Variants in GNPAT observed in about 807,000 individuals in gnomAD.
GNPAT encodes the protein dihydroxyacetone phosphate acyltransferase.
Under a neutral mutation model 78.4 loss-of-function variants are expected in GNPAT, and 30 were observed. The observed-to-expected ratio is 0.38, with a 90% CI of 0.29 to 0.52. The LOEUF is 0.52. GNPAT is among the 20% of genes least tolerant of loss of function. The pLI is 0.84. For synonymous variants in GNPAT, 271 were observed against 281.1 expected (o/e 0.96, Z 0.36); for missense variants, 714 against 812.2 (o/e 0.88, Z 1.47).
chr1:231,246,058 T>C (rs1040553175), intron 1 of GNPAT, among the ~76,000 whole-genome samples: 1 of 152,214 alleles, frequency 6.6e-6, no homozygotes, highest in Non-Finnish European at 1.5e-5. Flanking sequence ...CTTAACATTT[T>C]CTCATTATTG....
intron 2 of GNPAT, chr1:231,258,208 A>G (rs1426025442): frequency 6.6e-6 from 1 of 152,116 alleles, no homozygotes; most frequent in Non-Finnish European, 1.5e-5. Flanking sequence ...CTCCTTTGCA[A>G]TCTTTCCTTC....
At chr1:231,241,643 G>T (rs143223242) in intron 1 of GNPAT, among the ~76,000 whole-genome samples, 187 bp downstream of exon 1, 2 of 152,352 alleles carry the variant, frequency 1.3e-5, no homozygotes, top group Non-Finnish European at 2.9e-5. Context: ...GTGTGTGCAT[G>T]CTTTTGGAAG....
At position 231,258,622 on chromosome 1, in the gene GNPAT, ATTTTTTTTTTT is replaced by A. The variant is rs748666053; in HGVS notation, c.262-1868_262-1858del. ...TTTATGTTATGTGTATTTTAATGCA[ATTTTTTTTTTT>A]TTTTTTTTTTTTTTTTGAGACAGAG... On this transcript the variant is annotated intron_variant, in intron 2 of 15. Coordinates refer to ENST00000366647, the MANE Select transcript of GNPAT (RefSeq NM_014236.4). Among the ~76,000 whole-genome samples the A allele has an allele frequency of 1.2e-3, 91 of 73,792 alleles. 2 individuals carry two copies. Among genetic ancestry groups the A allele is most frequent in the South Asian group, 4.1e-3 (7 of 1,714 alleles). 48.4% of individuals were successfully genotyped at this position (73,792 alleles called of 152,430 possible).
Position 231,265,801 on chromosome 1 carries a change from G to T in GNPAT, c.772+14G>T, listed in dbSNP as rs1482178025. On this transcript the variant is annotated intron_variant, in intron 6 of 15. Transcript: ENST00000366647. ...CTCCTAAATTTGGTAGGTCACTACA[G>T]ATTAAAAGGAAAAATACAAACCCAA... 1 of 1,505,288 alleles carries T rather than the reference G, an allele frequency of 6.6e-7. No individual in the cohort carries two copies. The highest frequency in any genetic ancestry group is 9.3e-7 in the Non-Finnish European group (1 of 1,080,568). 93.2% of individuals were successfully genotyped at this position (1,505,288 alleles called of 1,614,324 possible).
chr1:231,246,083 C>T (rs1684739226), intron 1 of GNPAT, among the ~76,000 whole-genome samples: 1 of 152,146 alleles, frequency 6.6e-6, no homozygotes, highest in Non-Finnish European at 1.5e-5. Context: ...ATTACCTGTG[C>T]TCTTGAGATT....
At position 231,242,637 on chromosome 1, in the gene GNPAT, G is replaced by A. The variant is rs554899822; in HGVS notation, c.78+1181G>A. Among the ~76,000 whole-genome samples the A allele has an allele frequency of 2.3e-3, 344 of 152,362 alleles. 1 individual carries two copies. In the Middle Eastern group the frequency reaches 0.031, roughly 14 times the overall value. Reference sequence around the variant, plus strand: ...TGCTACTCCAGAGCAGGCACGAAGGGAAGAGGGTTGCTGTGCAGATCCAGC... The same window carrying A: ...TGCTACTCCAGAGCAGGCACGAAGGAAAGAGGGTTGCTGTGCAGATCCAGC... On this transcript the variant is annotated intron_variant, in intron 1 of 15. Coordinates refer to ENST00000366647, the MANE Select transcript of GNPAT (RefSeq NM_014236.4).
In GNPAT at chr1:231,273,804, G is replaced by A. The variant is rs1476612398; in HGVS notation, c.1603-118G>A. 8 of 792,244 alleles carry A rather than the reference G, an allele frequency of 1.0e-5. No homozygotes were observed. The East Asian group carries it at 2.1e-4, about 20-fold the overall frequency. The allele number at this position is 792,244 out of a possible 1,614,324, so 49.1% of individuals were successfully genotyped here. ...GTATTCTGTTGTCTGAGGGCATGTG[G>A]CTGCATATATTCAGATAGGCAGTGT... is the stretch of plus-strand genomic sequence containing the variant. On this transcript the variant is annotated intron_variant, in intron 11 of 15. Coordinates refer to ENST00000366647, the MANE Select transcript of GNPAT (RefSeq NM_014236.4).
In GNPAT at chr1:231,241,297, G is replaced by A; in HGVS notation, c.-82G>A. On this transcript the variant is annotated 5_prime_UTR_variant, in exon 1 of 16. Coordinates refer to ENST00000366647, the MANE Select transcript of GNPAT (RefSeq NM_014236.4). ...GCCCTAGGCGAAGTAGGGCCGTCCTGAGCGAAAGAACCGCCCCCAGCAGGA... is the reference window on the plus strand; with the variant it reads ...GCCCTAGGCGAAGTAGGGCCGTCCTAAGCGAAAGAACCGCCCCCAGCAGGA... 2.8e-6 allele frequency: 4 copies of A among 1,423,210 alleles called. No homozygotes were observed. The highest frequency in any genetic ancestry group is 4.0e-6 in the Non-Finnish European group (4 of 1,005,850). 88.2% of individuals were successfully genotyped at this position (1,423,210 alleles called of 1,614,324 possible).
At chr1:231,274,093 C>T (rs749840697) in intron 12 of GNPAT, 31 bp downstream of exon 12, 7 of 1,583,366 alleles carry the variant, frequency 4.4e-6, no homozygotes, top group Non-Finnish European at 6.1e-6. Flanking sequence ...CTCCTTCATG[C>T]CCCCCATATC....
chr1:231,262,987 C>T, intron 4 of GNPAT, 135 bp downstream of exon 4: 1 of 717,612 alleles, frequency 1.4e-6, no homozygotes, highest in African/African-American at 1.7e-5. Context: ...CACTGAATAA[C>T]TTGAGTTATG....
At chr1:231,254,840 C>T (rs1346090552) in intron 2 of GNPAT, among the ~76,000 whole-genome samples, 1 of 151,890 alleles carries the variant, frequency 6.6e-6, no homozygotes, top group Non-Finnish European at 1.5e-5. Context: ...CAATCTCCGC[C>T]TCCCAGGTTC....
In GNPAT at chr1:231,252,464, A is replaced by AT. The variant is rs534541646; in HGVS notation, c.261+1322dup. On this transcript the variant is annotated intron_variant, in intron 2 of 15. Transcript: ENST00000366647. ...TCCCTGATCGCTAGCCCTCCACGTC[A>AT]TATCACCCAGGTGCTTGTATGGTCA... Among the ~76,000 whole-genome samples, 113 of 152,302 alleles carry AT rather than the reference A, an allele frequency of 7.4e-4. 1 individual carries two copies. Among genetic ancestry groups the AT allele is most frequent in the Admixed American group, 3.0e-3 (46 of 15,304 alleles).
intron 1 of GNPAT, among the ~76,000 whole-genome samples, chr1:231,246,274 C>T (rs1684744781): frequency 6.6e-6 from 1 of 152,294 alleles, no homozygotes; most frequent in Non-Finnish European, 1.5e-5. Context: ...CCATATCAAG[C>T]GTTAAATGGT....
At chr1:231,249,739 A>G (rs1558325199) in intron 1 of GNPAT, among the ~76,000 whole-genome samples, 1 of 152,224 alleles carries the variant, frequency 6.6e-6, no homozygotes, top group African/African-American at 2.4e-5. Flanking sequence ...GAATGCGCCT[A>G]ACACTTTAGT....
At chr1:231,274,726 G>A (rs1685662954) in intron 12 of GNPAT, among the ~76,000 whole-genome samples, 1 of 152,140 alleles carries the variant, frequency 6.6e-6, no homozygotes, top group South Asian at 2.1e-4. Flanking sequence ...ACTTCCTGGT[G>A]CTTGTGGTCC....
chr1:231,255,770 C>G (rs1057365936), intron 2 of GNPAT, among the ~76,000 whole-genome samples: 1 of 152,116 alleles, frequency 6.6e-6, no homozygotes, highest in African/African-American at 2.4e-5. Flanking sequence ...TACCATCACA[C>G]CTCCTCATCC....
chr1:231,246,635 TTTAC>T (rs1382913347), intron 1 of GNPAT, among the ~76,000 whole-genome samples: 1 of 152,212 alleles, frequency 6.6e-6, no homozygotes, highest in Non-Finnish European at 1.5e-5. Flanking sequence ...GCCATGTAAA[TTTAC>T]TTACTTAATG....
At chr1:231,275,526 G>A (rs1444835995) in intron 14 of GNPAT, 28 bp downstream of exon 14, 3 of 1,221,586 alleles carry the variant, frequency 2.5e-6, no homozygotes, top group Non-Finnish European at 3.7e-6. Flanking sequence ...TCCCATGAGT[G>A]CTCAAGGAAC....
At chr1:231,262,630 T>C in intron 3 of GNPAT, 93 bp from the exon 4 acceptor site, 1 of 1,036,222 alleles carries the variant, frequency 9.7e-7, no homozygotes, top group Non-Finnish European at 1.5e-6. Context: ...GTATTCCCTC[T>C]AAATATAGAC....
Sources: allele counts gnomAD v4.1 joint callset (sites outside exome capture counted in the v4.1 genomes callset), GRCh38; gene constraint gnomAD v4.1.1; transcripts MANE v1.5; gene names NCBI Gene and HGNC (gene_info 2026-07-23, HGNC 2026-07-21).